The following HEPHL1 variants were observed in gnomAD, a reference collection of about 807,000 sequenced individuals.
HEPHL1 encodes ferroxidase HEPHL1.
Under a neutral mutation model 122.0 loss-of-function variants are expected in HEPHL1, and 123 were observed. The ratio of observed to expected loss-of-function variants is 1.01; its 90% confidence interval spans 0.87 to 1.17. The LOEUF (loss-of-function observed/expected upper bound fraction) is 1.17. Ranked by LOEUF, HEPHL1 falls within the 50% of genes most tolerant of loss-of-function variation. HEPHL1 has a pLI of 0.00. For missense variants in HEPHL1, 1,452 were observed against 1,430.5 expected (o/e 1.01, Z -0.24); for synonymous variants, 527 against 508.9 (o/e 1.04, Z -0.48).
chr11:94,049,672 C>T (rs1945873728), intron 2 of HEPHL1, among the ~76,000 whole-genome samples: 1 of 151,096 alleles, frequency 6.6e-6, no homozygotes, highest in African/African-American at 2.4e-5. Flanking sequence ...TTTCAGTGCT[C>T]TTAATTCTGC....
chr11:94,056,300 T>G (rs189475709), intron 2 of HEPHL1, among the ~76,000 whole-genome samples: 1 of 152,296 alleles, frequency 6.6e-6, no homozygotes, highest in African/African-American at 2.4e-5. Flanking sequence ...TTCCCCCAGT[T>G]TGACAATCTC....
intron 2 of HEPHL1, chr11:94,055,294 C>T (rs1404709533): frequency 3.5e-6 from 1 of 288,688 alleles, no homozygotes; most frequent in Non-Finnish European, 6.9e-6. Flanking sequence ...TTCACTCCCA[C>T]CACTTCTGTG....
At chr11:94,093,360 C>G in intron 12 of HEPHL1, 141 bp from the exon 13 acceptor site, 1 of 887,396 alleles carries the variant, frequency 1.1e-6, no homozygotes, top group Non-Finnish European at 1.8e-6. Flanking sequence ...AAGTATGGTG[C>G]AAAAGGCCTG....
At chr11:94,029,056 T>C (rs535642736) in intron 1 of HEPHL1, among the ~76,000 whole-genome samples, 5 of 152,238 alleles carry the variant, frequency 3.3e-5, no homozygotes, top group Non-Finnish European at 5.9e-5. Flanking sequence ...CTTAAACTCC[T>C]AGCCTCAAGT....
intron 1 of HEPHL1, among the ~76,000 whole-genome samples, chr11:94,045,431 C>T (rs956593080): frequency 1.3e-5 from 2 of 152,124 alleles, no homozygotes; most frequent in Non-Finnish European, 2.9e-5. Context: ...CTTTAGAGTT[C>T]TTTGGATTTG....
intron 2 of HEPHL1, among the ~76,000 whole-genome samples, chr11:94,056,920 G>GTATTCATT (rs1945942770): frequency 6.6e-6 from 1 of 151,972 alleles, no homozygotes; most frequent in Non-Finnish European, 1.5e-5. Flanking sequence ...AAGTTTGATT[G>GTATTCATT]TCCTTTAGTA....
intron 9 of HEPHL1, among the ~76,000 whole-genome samples, chr11:94,078,446 C>CATCTATATATATAT (rs1946143467): frequency 9.0e-6 from 1 of 111,478 alleles, no homozygotes; most frequent in African/African-American, 3.5e-5. Context: ...TCAGATGTTC[C>CATCTATATATATAT]ATATATATAT....
intron 1 of HEPHL1, among the ~76,000 whole-genome samples, chr11:94,037,053 C>T (rs1339512176): frequency 1.3e-5 from 2 of 152,062 alleles, no homozygotes; most frequent in African/African-American, 2.4e-5. Flanking sequence ...ATTGCCTCAC[C>T]TGGGAAGCGC....
At chr11:94,050,893 C>A (rs917992703) in intron 2 of HEPHL1, among the ~76,000 whole-genome samples, 1 of 152,074 alleles carries the variant, frequency 6.6e-6, no homozygotes, top group Non-Finnish European at 1.5e-5. Flanking sequence ...TTAGTTCCCA[C>A]AAACAAGTGA....
chr11:94,047,737 G>A (rs1945852912), intron 2 of HEPHL1, among the ~76,000 whole-genome samples: 1 of 152,036 alleles, frequency 6.6e-6, no homozygotes, highest in South Asian at 2.1e-4. Context: ...TGTAATTTTT[G>A]TCTTCAATCC....
intron 5 of HEPHL1, among the ~76,000 whole-genome samples, chr11:94,068,868 A>G (rs940640963): frequency 1.3e-5 from 2 of 152,154 alleles, no homozygotes; most frequent in African/African-American, 4.8e-5. Context: ...TTGGATACTA[A>G]CTTCCCATAG....
intron 11 of HEPHL1, among the ~76,000 whole-genome samples, chr11:94,087,439 A>G (rs1195986047): frequency 6.6e-6 from 1 of 152,152 alleles, no homozygotes; most frequent in South Asian, 2.1e-4. Context: ...TGACTGCTTA[A>G]AAGCTTAGTC....
intron 13 of HEPHL1, among the ~76,000 whole-genome samples, chr11:94,096,333 C>A (rs1030633031): frequency 2.6e-5 from 4 of 152,110 alleles, no homozygotes; most frequent in African/African-American, 9.7e-5. Flanking sequence ...TATTGATTTG[C>A]ATTATGTTGA....
intron 1 of HEPHL1, among the ~76,000 whole-genome samples, chr11:94,030,358 C>G (rs1304646409): frequency 6.6e-6 from 1 of 152,212 alleles, no homozygotes; most frequent in Non-Finnish European, 1.5e-5. Context: ...TTCAGCTACT[C>G]TTTAACAGAA....
intron 2 of HEPHL1, among the ~76,000 whole-genome samples, chr11:94,047,897 A>G (rs1945854616): frequency 6.6e-6 from 1 of 152,172 alleles, no homozygotes; most frequent in Non-Finnish European, 1.5e-5. Flanking sequence ...TACCATTTTA[A>G]CCATTTTCAA....
rs78786722 is a variant in HEPHL1, at chr11:94,073,087, G to A, written c.1295G>A (p.Arg432Gln). ...ATAGGAGGAAAATACTGGAAGGTTC[G>A]GTATACTGAATTTGTTGATGCAACT... is the stretch of plus-strand genomic sequence containing the variant. ...NRIGGKYWKV[R>Q]YTEFVDATFT... Residue 432 changes from arginine to glutamine, a missense_variant, in exon 7 of 20, where the codon CGG becomes CAG. Transcript: ENST00000315765. 3,292 of 1,612,782 alleles carry A rather than the reference G, an allele frequency of 2.0e-3. 42 individuals are homozygous for A. The African/African-American group carries it at 0.031, about 15-fold the overall frequency.
At chr11:94,056,170 T>A (rs1355031450) in intron 2 of HEPHL1, among the ~76,000 whole-genome samples, 1 of 152,142 alleles carries the variant, frequency 6.6e-6, no homozygotes, top group Non-Finnish European at 1.5e-5. Flanking sequence ...TTAAAATCTA[T>A]TTTGTCTGTT....
chr11:94,095,557 T>A (rs1422507770), intron 13 of HEPHL1, among the ~76,000 whole-genome samples: 1 of 152,232 alleles, frequency 6.6e-6, no homozygotes, highest in Non-Finnish European at 1.5e-5. Context: ...TTGATGGGGA[T>A]GGCATTGAAT....
rs1057320958 is a variant in HEPHL1 at position 94,043,832 on chromosome 11, A to G, written c.171-1841A>G. ...GCCCCAGAACATAATGTGTGTTCTC[A>G]TAACTCTCCCTTCCAGAATAGGGGC... On this transcript the variant is annotated intron_variant, in intron 1 of 19. Coordinates refer to ENST00000315765, the MANE Select transcript of HEPHL1 (RefSeq NM_001098672.2). Among the ~76,000 whole-genome samples the G allele has an allele frequency of 7.2e-5, 11 of 151,990 alleles. No individual in the cohort carries two copies. The South Asian group carries it at 1.7e-3, about 23-fold the overall frequency.
Sources: allele counts gnomAD v4.1 joint callset (sites outside exome capture counted in the v4.1 genomes callset), GRCh38; gene constraint gnomAD v4.1.1; transcripts MANE v1.5; gene names NCBI Gene and HGNC (gene_info 2026-07-23, HGNC 2026-07-21).